Variants in NUTM2F observed in about 807,000 individuals in gnomAD.
NUTM2F encodes the protein family with sequence similarity 22, member F.
A neutral mutation model predicts 43.3 loss-of-function variants in NUTM2F; 22 were observed. That is an observed-to-expected ratio of 0.51 (90% CI 0.36 to 0.73). The LOEUF (loss-of-function observed/expected upper bound fraction) is 0.73. Ranked by LOEUF, NUTM2F falls within the 30% of genes least tolerant of loss-of-function variation. The pLI is 0.00. For synonymous variants in NUTM2F, 202 were observed against 389.0 expected, an observed-to-expected ratio of 0.52 and a Z score of 5.66; for missense variants, 488 against 927.4, an observed-to-expected ratio of 0.53 and a Z score of 6.15.
At chr9:94,319,566 C>T in intron 6 of NUTM2F, 47 bp downstream of exon 6, 1 of 1,611,136 alleles carries the variant, frequency 6.2e-7, no homozygotes, top group African/African-American at 1.3e-5. Flanking sequence ...GTGCCGGGTC[C>T]CTCCTGCCCC....
rs763429569 is a variant in NUTM2F at position 94,326,743 on chromosome 9, C to CA, written c.17-810dup. Among the ~76,000 whole-genome samples the CA allele has an allele frequency of 4.7e-3, 426 of 90,718 alleles. 1 individual carries two copies. The highest frequency in any genetic ancestry group is 8.6e-3 in the African/African-American group (187 of 21,818). The allele number at this position is 90,718 out of a possible 152,430, so 59.5% of individuals were successfully genotyped here. ...CGGGTGACAGAGCGAGACTCCGTCT[C>CA]AAAAAAAAAAAAAAAAAAAAAAAAG... On this transcript the variant is annotated intron_variant, in intron 1 of 6. Coordinates refer to ENST00000253262, the MANE Select transcript of NUTM2F (RefSeq NM_017561.2).
chr9:94,319,817 A>T, intron 5 of NUTM2F, 88 bp from the exon 6 acceptor site: 3 of 1,579,370 alleles, frequency 1.9e-6, no homozygotes, highest in Non-Finnish European at 2.6e-6. Flanking sequence ...GAAAGCGGGG[A>T]GGGCCCCATT....
At chr9:94,322,427 C>T in intron 2 of NUTM2F, 98 bp from the exon 3 acceptor site, 2 of 1,518,674 alleles carry the variant, frequency 1.3e-6, no homozygotes, top group Non-Finnish European at 1.8e-6. Flanking sequence ...CACACCTGTC[C>T]TGCCATCTGT....
chr9:94,326,743 C>CAAAA (rs763429569), intron 1 of NUTM2F, among the ~76,000 whole-genome samples: 7 of 90,870 alleles, frequency 7.7e-5, no homozygotes, highest in African/African-American at 3.2e-4. Flanking sequence ...GACTCCGTCT[C>CAAAA]AAAAAAAAAA....
At chr9:94,323,544 C>T (rs1290792050) in intron 2 of NUTM2F, among the ~76,000 whole-genome samples, 1 of 152,148 alleles carries the variant, frequency 6.6e-6, no homozygotes, top group East Asian at 1.9e-4. Flanking sequence ...TCAGAGCTAT[C>T]ACTGGAGCCC....
At position 94,325,871 on chromosome 9, in the gene NUTM2F, G is replaced by A. The variant is rs1455670781; in HGVS notation, c.80C>T (p.Ala27Val). The A allele has an allele frequency of 6.2e-7, 1 of 1,611,872 alleles. No homozygotes were observed. The highest frequency in any genetic ancestry group is 8.5e-7 in the Non-Finnish European group (1 of 1,179,882). The change falls in exon 2 of 7, where the codon GCT (alanine) becomes GTT (valine). Residue 27 changes from alanine (A) to valine (V), a missense_variant. Coordinates refer to ENST00000253262, the MANE Select transcript of NUTM2F (RefSeq NM_017561.2). Reference sequence around the variant, plus strand: ...GGGAGCGGGTGTGGCAAAGGGCAGAGCCGTGAACACAGACAGGGAGGTGCC... The same window carrying A: ...GGGAGCGGGTGTGGCAAAGGGCAGAACCGTGAACACAGACAGGGAGGTGCC... ...NPGTSLSVFT[A>V]LPFATPAPGP...
rs753686871 is a variant in NUTM2F, at chr9:94,325,737, C to T, written c.214G>A (p.Gly72Ser). ...TPLVAGQDGRGPSGAGASNVF... is the reference protein window; with the variant it reads ...TPLVAGQDGRSPSGAGASNVF... ...TTGGAAGCCCCGGCCCCACTCGGGC[C>T]GCGGCCATCCTGTCCTGCCACTAGA... is the stretch of plus-strand genomic sequence containing the variant. Residue 72 changes from glycine (G) to serine (S), a missense_variant, in exon 2 of 7, where the codon GGC becomes AGC. Coordinates refer to ENST00000253262, the MANE Select transcript of NUTM2F (RefSeq NM_017561.2). The T allele has an allele frequency of 4.3e-6, 7 of 1,611,796 alleles. No individual in the cohort carries two copies. The highest frequency in any genetic ancestry group is 1.7e-5 in the Admixed American group (1 of 60,026).
intron 1 of NUTM2F, among the ~76,000 whole-genome samples, chr9:94,328,014 C>T (rs1277852360): frequency 2.0e-5 from 3 of 151,314 alleles, no homozygotes; most frequent in African/African-American, 4.9e-5. Flanking sequence ...CCTGAACTGA[C>T]GGAGAAGCCA....
chr9:94,320,604 G>A lies in NUTM2F; in HGVS notation c.983-11C>T. On this transcript the variant is annotated splice_polypyrimidine_tract_variant and intron_variant, in intron 4 of 6. Coordinates refer to ENST00000253262, the MANE Select transcript of NUTM2F (RefSeq NM_017561.2). This position sits in a 1 kb window ranked among gnomAD's most constrained non-coding sequence, Gnocchi z 4.5. ...TGCTGGGAAGGTACACTGAGGCAGA[G>A]AGGGAGGAGGATGGGTGTGGTGAGG... The A allele has an allele frequency of 6.3e-7, 1 of 1,596,204 alleles. No individual in the cohort carries two copies. The highest frequency in any genetic ancestry group is 8.5e-7 in the Non-Finnish European group (1 of 1,176,402).
In NUTM2F at chr9:94,320,690, C is replaced by T. The variant is rs1831350793; in HGVS notation, c.983-97G>A. 4.9e-6 allele frequency: 7 copies of T among 1,417,050 alleles called. No homozygotes were observed. Among genetic ancestry groups the T allele is most frequent in the Non-Finnish European group, 5.7e-6 (6 of 1,060,082 alleles). 87.8% of individuals were successfully genotyped at this position (1,417,050 alleles called of 1,614,324 possible). On this transcript the variant is annotated intron_variant, in intron 4 of 6. Coordinates refer to ENST00000253262, the MANE Select transcript of NUTM2F (RefSeq NM_017561.2). The surrounding 1 kb of genome is among the most constrained non-coding windows in gnomAD (Gnocchi z 4.5). ...AGGGCTTGGGGATGTGAAGTGGGTCCCAGCTGGGTCAGGACCACCTGAACC... is the reference window on the plus strand; with the variant it reads ...AGGGCTTGGGGATGTGAAGTGGGTCTCAGCTGGGTCAGGACCACCTGAACC...
At chr9:94,324,334 G>T (rs1831421209) in intron 2 of NUTM2F, among the ~76,000 whole-genome samples, 2 of 151,450 alleles carry the variant, frequency 1.3e-5, no homozygotes, top group South Asian at 4.2e-4. Context: ...AACGCTCTCT[G>T]ACCTGGGTCT....
In NUTM2F at chr9:94,321,140, C is replaced by T. The variant is rs556214378; in HGVS notation, c.935G>A (p.Arg312Lys). ...PQSLPPPAPPRLEPRGPPAPE... is the reference protein window; with the variant it reads ...PQSLPPPAPPKLEPRGPPAPE... ...GGCAGGGGGTCCTCGAGGTTCAAGCCTCGGCGGGGCTGGAGGAGGCAGGCT... is the reference window on the plus strand; with the variant it reads ...GGCAGGGGGTCCTCGAGGTTCAAGCTTCGGCGGGGCTGGAGGAGGCAGGCT... Residue 312 changes from arginine (R) to lysine (K), a missense_variant, in exon 4 of 7, where the codon AGG becomes AAG. Transcript: ENST00000253262. 1.0e-4 allele frequency: 162 copies of T among 1,549,058 alleles called. 1 individual carries two copies. The East Asian group carries it at 3.3e-3, about 32-fold the overall frequency.
At chr9:94,326,472 C>T (rs1831453645) in intron 1 of NUTM2F, among the ~76,000 whole-genome samples, 2 of 152,126 alleles carry the variant, frequency 1.3e-5, no homozygotes, top group African/African-American at 4.8e-5. Context: ...CTGGATAGGC[C>T]GGGCGTGCTG....
intron 2 of NUTM2F, among the ~76,000 whole-genome samples, chr9:94,324,371 T>C (rs1738679024): frequency 6.6e-6 from 1 of 150,566 alleles, no homozygotes; most frequent in South Asian, 2.1e-4. Flanking sequence ...TGAAAATTAT[T>C]GAAAGTGAAA....
At chr9:94,323,946 C>T (rs1208095685) in intron 2 of NUTM2F, among the ~76,000 whole-genome samples, 1 of 152,074 alleles carries the variant, frequency 6.6e-6, no homozygotes, top group Non-Finnish European at 1.5e-5. Context: ...ACACTCAGTT[C>T]GAGGGAAGGC....
At chr9:94,321,355 G>A (rs1416471191) in intron 3 of NUTM2F, 123 bp from the exon 4 acceptor site, 2 of 1,479,220 alleles carry the variant, frequency 1.4e-6, no homozygotes, top group African/African-American at 2.8e-5. Flanking sequence ...GGCCCTCACT[G>A]GGACCCATCC....
At position 94,320,597 on chromosome 9, in the gene NUTM2F, A is replaced by T; in HGVS notation, c.983-4T>A. The T allele has an allele frequency of 5.0e-6, 8 of 1,600,934 alleles. No individual in the cohort carries two copies. Among genetic ancestry groups the T allele is most frequent in the Non-Finnish European group, 6.8e-6 (8 of 1,178,008 alleles). The stretch of plus-strand genomic sequence containing the variant: ...CCATCCTTGCTGGGAAGGTACACTG[A>T]GGCAGAGAGGGAGGAGGATGGGTGT... On this transcript the variant is annotated splice_region_variant and splice_polypyrimidine_tract_variant and intron_variant, in intron 4 of 6. Coordinates refer to ENST00000253262, the MANE Select transcript of NUTM2F (RefSeq NM_017561.2). This position sits in a 1 kb window ranked among gnomAD's most constrained non-coding sequence, Gnocchi z 4.5.
chr9:94,325,569 C>G lies in NUTM2F; in HGVS notation c.382G>C (p.Ala128Pro). The G allele has an allele frequency of 6.5e-7, 1 of 1,536,662 alleles. No individual in the cohort carries two copies. The highest frequency in any genetic ancestry group is 8.8e-7 in the Non-Finnish European group (1 of 1,140,584). The change falls in exon 2 of 7, where the codon GCA becomes CCA. Residue 128 changes from alanine to proline, a missense_variant. Physicochemically the swap from Ala to Pro is conservative, Grantham distance 27. Coordinates refer to ENST00000253262, the MANE Select transcript of NUTM2F (RefSeq NM_017561.2). ...GVMCPPPLLL[A>P]AAPGVPVTSA... ...GTAACGGGCACCCCAGGAGCAGCTG[C>G]CAGGAGTAGGGGAGGTGGACACATG...
intron 3 of NUTM2F, 54 bp from the exon 4 acceptor site, chr9:94,321,286 C>G (rs774190015): frequency 1.2e-5 from 18 of 1,544,650 alleles, no homozygotes; most frequent in East Asian, 2.4e-5. Flanking sequence ...CCCCTCCCCC[C>G]AGGACCAGGC....
Sources: gnomAD v4.1 joint callset for allele counts (sites outside exome capture counted in the v4.1 genomes callset) on GRCh38, gnomAD v4.1.1 for gene constraint, Gnocchi (gnomAD v3.1) non-coding constraint, MANE v1.5 for transcripts, NCBI Gene and HGNC (gene_info 2026-07-23, HGNC 2026-07-21) for gene names.